ZNF7: variants seen among roughly 807,000 people sequenced by gnomAD.
ZNF7 encodes the protein zinc finger protein 7.
ZNF7 carries 10 observed loss-of-function variants against 12.0 expected under a neutral mutation model. The observed-to-expected ratio is 0.83, with a 90% confidence interval of 0.51 to 1.42. ZNF7 has a LOEUF of 1.42. Ranked by LOEUF, ZNF7 falls within the 40% of genes most tolerant of loss-of-function variation. ZNF7 has a pLI of 0.00. For synonymous variants in ZNF7, 334 were observed against 295.0 expected (o/e 1.13, Z -1.35); for missense variants, 854 against 837.2 (o/e 1.02, Z -0.25).
chr8:144,837,459 G>C lies in ZNF7; in HGVS notation c.199G>C (p.Asp67His). Residue 67 changes from aspartate (D) to histidine (H), a missense_variant, in exon 4 of 5, where the codon GAC becomes CAC. Transcript: ENST00000532777. ...GCAGGGAGAAGAGCCATGGGTCCTC[G>C]ACCTGCAGGGAGCAGAGGGGACAGA... is the stretch of plus-strand genomic sequence containing the variant. Reference protein sequence around the residue: ...LEQGEEPWVLDLQGAEGTEAP... With the variant: ...LEQGEEPWVLHLQGAEGTEAP... The C allele has an allele frequency of 1.2e-6, 2 of 1,613,196 alleles. No homozygotes were observed. Among genetic ancestry groups the C allele is most frequent in the Non-Finnish European group, 8.5e-7 (1 of 1,179,248 alleles).
At chr8:144,831,133 C>A in intron 3 of ZNF7, 1 of 425,534 alleles carries the variant, frequency 2.3e-6, no homozygotes, top group Admixed American at 2.5e-5. Flanking sequence ...CTCTCTCAGG[C>A]CCTGTGTGTA....
chr8:144,841,063 T>C (rs541448037), intron 4 of ZNF7: 1 of 371,558 alleles, frequency 2.7e-6, no homozygotes, highest in East Asian at 4.9e-5. Context: ...TGCCTCTGCA[T>C]GGACTGTGCC....
intron 3 of ZNF7, among the ~76,000 whole-genome samples, chr8:144,831,436 C>T (rs951090746): frequency 1.3e-5 from 2 of 152,142 alleles, no homozygotes; most frequent in Non-Finnish European, 2.9e-5. Context: ...TGCCACCTGG[C>T]GGATGACATC....
At chr8:144,845,890 T>G, downstream of ZNF7, 3 of 1,339,484 alleles carry the variant, frequency 2.2e-6, no homozygotes, top group Middle Eastern at 2.3e-4. Flanking sequence ...ACGTGGCTGC[T>G]GAGAAGGGTC....
At chr8:144,844,709 C>CAAAAAAAAAA (rs71320849), downstream of ZNF7, among the ~76,000 whole-genome samples, 44 of 88,630 alleles carry the variant, frequency 5.0e-4, 1 homozygote, top group African/African-American at 1.7e-3. Context: ...GACTCTGTAT[C>CAAAAAAAAAA]AAAAAAAAAA....
At chr8:144,843,901 C>T (rs909904410), downstream of ZNF7, 1 of 152,214 alleles carries the variant, frequency 6.6e-6, no homozygotes, top group Non-Finnish European at 1.5e-5. Flanking sequence ...AGAATTCCAA[C>T]TTCAAATTAG....
At chr8:144,833,436 T>C (rs1020535764) in intron 3 of ZNF7, among the ~76,000 whole-genome samples, 4 of 151,748 alleles carry the variant, frequency 2.6e-5, no homozygotes, top group Non-Finnish European at 5.9e-5. Flanking sequence ...TGGTGCGATC[T>C]CGGCTCACTG....
At chr8:144,833,316 C>T (rs1210777788) in intron 3 of ZNF7, among the ~76,000 whole-genome samples, 2 of 151,722 alleles carry the variant, frequency 1.3e-5, no homozygotes, top group Non-Finnish European at 2.9e-5. Context: ...TCTTGTGGGC[C>T]AGCTTCCTGC....
rs1289231584 is a variant in ZNF7 at position 144,841,372 on chromosome 8, G to A, written c.265G>A (p.Glu89Lys). Residue 89 changes from glutamate to lysine, a missense_variant, in exon 5 of 5, where the codon GAA becomes AAA. Glu to Lys is a moderately conservative substitution (Grantham distance 56). Transcript: ENST00000532777. ...TSKTDSTIRT[E>K]NEQACEDMDI... is the part of the protein sequence containing the mutation. ...TATTTCAGATTCTACGATTAGGACT[G>A]AAAATGAGCAGGCCTGTGAGGACAT... 1 of 1,605,416 alleles carries A rather than the reference G, an allele frequency of 6.2e-7. No individual in the cohort carries two copies. The highest frequency in any genetic ancestry group is 8.5e-7 in the Non-Finnish European group (1 of 1,173,328).
intron 1 of ZNF7, 32 bp from the exon 2 acceptor site, chr8:144,829,010 CT>C: frequency 6.2e-7 from 1 of 1,607,818 alleles, no homozygotes; most frequent in Non-Finnish European, 8.5e-7. Context: ...CTTCTGGCAC[CT>C]TGACCTCTAA....
chr8:144,829,891 G>A (rs1336317779), intron 3 of ZNF7: 1 of 265,360 alleles, frequency 3.8e-6, no homozygotes, highest in African/African-American at 2.2e-5. Context: ...GCTTAGACAA[G>A]AAAAGAGAAA....
At position 144,840,372 on chromosome 8, in the gene ZNF7, G is replaced by T. The variant is rs773998681; in HGVS notation, c.248-983G>T. Among the ~76,000 whole-genome samples the T allele has an allele frequency of 1.7e-3, 263 of 152,356 alleles. 2 individuals carry two copies. The highest frequency in any genetic ancestry group is 3.1e-3 in the South Asian group (15 of 4,826). On this transcript the variant is annotated intron_variant, in intron 4 of 4. Coordinates refer to ENST00000532777, the MANE Select transcript of ZNF7 (RefSeq NM_003416.4). ...GACTCACCACCAATGGTTAGGAGTGGGCAGGAACCGAAGCTTGAAGCCCTG... is the reference window on the plus strand; with the variant it reads ...GACTCACCACCAATGGTTAGGAGTGTGCAGGAACCGAAGCTTGAAGCCCTG...
rs753837794 is a variant in ZNF7 at position 144,829,498 on chromosome 8, T to C, written c.24T>C (p.Asp8=). MEVVTFG[D]VAVHFSREEW... The stretch of plus-strand genomic sequence containing the variant: ...TTCAGGAGGTGGTAACATTTGGCGA[T>C]GTGGCTGTGCACTTCTCTCGGGAGG... Residue 8 remains aspartate, a synonymous_variant, in exon 3 of 5, where the codon GAT becomes GAC. Coordinates refer to ENST00000532777, the MANE Select transcript of ZNF7 (RefSeq NM_003416.4). The C allele has an allele frequency of 3.1e-6, 5 of 1,614,124 alleles. No homozygotes were observed. Among genetic ancestry groups the C allele is most frequent in the African/African-American group, 1.3e-5 (1 of 75,046 alleles).
intron 4 of ZNF7, chr8:144,837,861 G>A (rs1017921479): frequency 1.7e-5 from 9 of 540,252 alleles, no homozygotes; most frequent in Non-Finnish European, 2.7e-5. Context: ...TTGGCATTCA[G>A]TAACCTCTCC....
rs371644682 is a variant in ZNF7, at chr8:144,829,073, C to T, written c.-15C>T. 38 of 1,614,074 alleles carry T rather than the reference C, an allele frequency of 2.4e-5. No individual in the cohort carries two copies. In the African/African-American group the frequency reaches 3.9e-4, roughly 16 times the overall value. On this transcript the variant is annotated 5_prime_UTR_variant, in exon 2 of 5. Coordinates refer to ENST00000532777, the MANE Select transcript of ZNF7 (RefSeq NM_003416.4). ...TCGGCCAGAACACGTGGATGCCCAC[C>T]CACCACTGAGCCTCATGGTAGGAAG...
intron 3 of ZNF7, chr8:144,834,306 G>C (rs1359487653): frequency 6.6e-6 from 1 of 152,176 alleles, no homozygotes; most frequent in Non-Finnish European, 1.5e-5. Context: ...CGGTGATTCT[G>C]CTGTTTTCCA....
Position 144,829,476 on chromosome 8 carries a change from A to G in ZNF7, c.4-2A>G, listed in dbSNP as rs1304993577. On this transcript the variant is annotated splice_acceptor_variant, in intron 2 of 4. Coordinates refer to ENST00000532777, the MANE Select transcript of ZNF7 (RefSeq NM_003416.4). LOFTEE classifies it high-confidence loss of function. Reference sequence around the variant, plus strand: ...CTGGGGTGCTGGTGTGTGTCCTTTCAGGAGGTGGTAACATTTGGCGATGTG... The same window carrying G: ...CTGGGGTGCTGGTGTGTGTCCTTTCGGGAGGTGGTAACATTTGGCGATGTG... 1 of 1,613,906 alleles carries G rather than the reference A, an allele frequency of 6.2e-7. No homozygotes were observed. The highest frequency in any genetic ancestry group is 1.3e-5 in the African/African-American group (1 of 74,924).
chr8:144,842,256 G>C lies in ZNF7; in HGVS notation c.1149G>C (p.Met383Ile). The C allele has an allele frequency of 6.2e-7, 1 of 1,614,074 alleles. No individual in the cohort carries two copies. The highest frequency in any genetic ancestry group is 8.5e-7 in the Non-Finnish European group (1 of 1,180,034). Reference sequence around the variant, plus strand: ...CCACCCTAGCCCAGCATCAAAGGATGCATACTGGGGAGAAAGCTCAAATTC... The same window carrying C: ...CCACCCTAGCCCAGCATCAAAGGATCCATACTGGGGAGAAAGCTCAAATTC... Reference protein sequence around the residue: ...QSSTLAQHQRMHTGEKAQILK... With the variant: ...QSSTLAQHQRIHTGEKAQILK... The change falls in exon 5 of 5, where the codon ATG becomes ATC. Residue 383 changes from methionine (M) to isoleucine (I), a missense_variant. Coordinates refer to ENST00000532777, the MANE Select transcript of ZNF7 (RefSeq NM_003416.4).
At chr8:144,833,270 G>C (rs1273849126) in intron 3 of ZNF7, among the ~76,000 whole-genome samples, 1 of 151,384 alleles carries the variant, frequency 6.6e-6, no homozygotes, top group Non-Finnish European at 1.5e-5. Context: ...CTATGAAATG[G>C]GATGTTTCTG....
Sources: allele counts gnomAD v4.1 joint callset (sites outside exome capture counted in the v4.1 genomes callset), GRCh38; gene constraint gnomAD v4.1.1; transcripts MANE v1.5; gene names NCBI Gene and HGNC (gene_info 2026-07-23, HGNC 2026-07-21).